UVRAG: variants seen among roughly 807,000 people sequenced by gnomAD.
UVRAG encodes the protein UV radiation resistance-associated gene protein.
A neutral mutation model predicts 78.0 loss-of-function variants in UVRAG; 19 were observed. The ratio of observed to expected loss-of-function variants is 0.24; its 90% CI spans 0.17 to 0.36. The LOEUF (loss-of-function observed/expected upper bound fraction) is 0.36, where lower values mean the gene tolerates loss of function less well. Among genes scored for constraint, UVRAG ranks in the 10% least tolerant of loss-of-function variants. UVRAG has a pLI of 1.00. For synonymous variants in UVRAG, 323 were observed against 324.6 expected (o/e 1.00, Z 0.05); for missense variants, 740 against 853.8 (o/e 0.87, Z 1.66).
At chr11:76,124,567 C>T (rs1343006488) in intron 14 of UVRAG, among the ~76,000 whole-genome samples, 4 of 152,168 alleles carry the variant, frequency 2.6e-5, no homozygotes, top group African/African-American at 9.7e-5. Flanking sequence ...TCTCAGTGAC[C>T]TTAGTAAGGA....
chr11:76,040,110 CT>C (rs933885260), intron 12 of UVRAG, among the ~76,000 whole-genome samples: 7 of 151,970 alleles, frequency 4.6e-5, no homozygotes, highest in African/African-American at 1.4e-4. Flanking sequence ...TATTGTAAAT[CT>C]TTTTTTCCCT....
In UVRAG at chr11:76,141,355, A is replaced by G. The variant is rs376856411; in HGVS notation, c.2042A>G (p.Tyr681Cys). 9.3e-6 allele frequency: 15 copies of G among 1,614,054 alleles called. No individual in the cohort carries two copies. The highest frequency in any genetic ancestry group is 2.2e-5 in the East Asian group (1 of 44,896). The change falls in exon 15 of 15, where the codon TAT (tyrosine) becomes TGT (cysteine). Residue 681 changes from tyrosine (Y) to cysteine (C), a missense_variant. Tyr to Cys is a radical substitution (Grantham distance 194). Coordinates refer to ENST00000356136, the MANE Select transcript of UVRAG (RefSeq NM_003369.4). The stretch of plus-strand genomic sequence containing the variant: ...TTTGAAGAGTTCTCCCGAAGGATCT[A>G]TGCACTGAATGAAAACGTATCCAGC... ...GEFEEFSRRI[Y>C]ALNENVSSFR... is the part of the protein sequence containing the mutation.
intron 6 of UVRAG, among the ~76,000 whole-genome samples, chr11:75,938,654 G>A (rs1948426054): frequency 6.6e-6 from 1 of 152,160 alleles, no homozygotes; most frequent in Non-Finnish European, 1.5e-5. Flanking sequence ...TACTCTGGCT[G>A]TCAGGAATAG....
At chr11:75,846,542 G>A (rs550339238) in intron 1 of UVRAG, among the ~76,000 whole-genome samples, 1 of 151,202 alleles carries the variant, frequency 6.6e-6, no homozygotes, top group African/African-American at 2.4e-5. Flanking sequence ...TGAGGTCTCC[G>A]ATTCATTTTA....
Position 76,141,706 on chromosome 11 carries a change from T to C in UVRAG, c.*293T>C. 1 of 394,250 alleles carries C rather than the reference T, an allele frequency of 2.5e-6. No homozygotes were observed. Among genetic ancestry groups the C allele is most frequent in the Middle Eastern group, 7.1e-4 (1 of 1,412 alleles). The allele number at this position is 394,250 out of a possible 1,614,324, so 24.4% of individuals were successfully genotyped here. Reference sequence around the variant, plus strand: ...CACCTTTTAGCTATTTGTCTGCTTTTTATTTACCCTTGTATGTTATCCTCA... The same window carrying C: ...CACCTTTTAGCTATTTGTCTGCTTTCTATTTACCCTTGTATGTTATCCTCA... On this transcript the variant is annotated 3_prime_UTR_variant, in exon 15 of 15. Coordinates refer to ENST00000356136, the MANE Select transcript of UVRAG (RefSeq NM_003369.4).
At chr11:75,979,960 T>G (rs1423097303) in intron 7 of UVRAG, 1 of 153,586 alleles carries the variant, frequency 6.5e-6, no homozygotes. Context: ...ATCCATCTTC[T>G]GCGTCGCTCA....
intron 8 of UVRAG, among the ~76,000 whole-genome samples, chr11:75,986,952 T>C (rs1338798513): frequency 6.6e-6 from 1 of 152,238 alleles, no homozygotes; most frequent in Non-Finnish European, 1.5e-5. Context: ...TTTTTACTCC[T>C]GAATAATACA....
At chr11:76,137,794 G>C (rs1370323747) in intron 14 of UVRAG, 2 of 277,354 alleles carry the variant, frequency 7.2e-6, no homozygotes, top group South Asian at 4.0e-5. Context: ...TGTAGTCCCA[G>C]CTACTTGGGA....
intron 6 of UVRAG, among the ~76,000 whole-genome samples, chr11:75,949,782 TACAC>T (rs35811055): frequency 6.7e-6 from 1 of 150,224 alleles, no homozygotes; most frequent in Admixed American, 6.7e-5. Context: ...CACATATATA[TACAC>T]ACACACACAT....
chr11:75,958,889 T>C (rs1292530708), intron 6 of UVRAG, among the ~76,000 whole-genome samples: 1 of 152,234 alleles, frequency 6.6e-6, no homozygotes, highest in Non-Finnish European at 1.5e-5. Context: ...TTAGCAGACA[T>C]GAAAACATTA....
chr11:75,884,240 T>TCTCTCTCTTTCTCTCTCTCTCTCTC (rs1555080662), intron 4 of UVRAG, among the ~76,000 whole-genome samples: 2 of 132,470 alleles, frequency 1.5e-5, no homozygotes, highest in African/African-American at 6.4e-5. Flanking sequence ...CTCTCTCTCT[T>TCTCTCTCTTTCTCTCTCTCTCTCTC]TCTCTCTCTC....
At chr11:75,927,505 A>G (rs890815168) in intron 6 of UVRAG, among the ~76,000 whole-genome samples, 7 of 152,230 alleles carry the variant, frequency 4.6e-5, no homozygotes, top group African/African-American at 1.7e-4. Flanking sequence ...AAAAAGTCCT[A>G]TCTTCATGGA....
At chr11:76,134,453 C>T (rs1952567215) in intron 14 of UVRAG, among the ~76,000 whole-genome samples, 1 of 152,082 alleles carries the variant, frequency 6.6e-6, no homozygotes, top group Non-Finnish European at 1.5e-5. Flanking sequence ...TTCCTTCTTG[C>T]AGCTAGCTCC....
chr11:75,943,084 C>G (rs116483307), intron 6 of UVRAG, among the ~76,000 whole-genome samples: 3,437 of 151,894 alleles, frequency 0.023, 117 homozygotes, highest in African/African-American at 0.078. Context: ...AAAAAAAGTC[C>G]CACCTCCCAA....
intron 12 of UVRAG, among the ~76,000 whole-genome samples, chr11:76,061,773 A>G (rs1951100249): frequency 6.6e-6 from 1 of 152,206 alleles, no homozygotes; most frequent in South Asian, 2.1e-4. Context: ...GAGGGTCCGC[A>G]GCTTCATTCT....
chr11:75,862,039 C>T (rs1276199152), intron 3 of UVRAG, among the ~76,000 whole-genome samples: 1 of 152,018 alleles, frequency 6.6e-6, no homozygotes. Context: ...ACGTATGTAA[C>T]AAACTGGCAC....
chr11:75,925,826 T>C (rs527365430), intron 6 of UVRAG, among the ~76,000 whole-genome samples: 1 of 152,328 alleles, frequency 6.6e-6, no homozygotes, highest in South Asian at 2.1e-4. Context: ...CACACTACTA[T>C]TGCAATTCCA....
intron 8 of UVRAG, among the ~76,000 whole-genome samples, chr11:76,000,880 A>C (rs763878019): frequency 6.6e-6 from 1 of 152,208 alleles, no homozygotes; most frequent in Non-Finnish European, 1.5e-5. Flanking sequence ...GCAAAAATAG[A>C]TAGAACTGAA....
chr11:75,895,199 CTTT>C (rs1460984143), intron 5 of UVRAG, among the ~76,000 whole-genome samples: 10 of 152,192 alleles, frequency 6.6e-5, no homozygotes, highest in Non-Finnish European at 5.9e-5. Context: ...TGGCATTCTT[CTTT>C]TTTACATTAG....
Sources: allele counts gnomAD v4.1 joint callset (sites outside exome capture counted in the v4.1 genomes callset), GRCh38; gene constraint gnomAD v4.1.1; transcripts MANE v1.5; gene names NCBI Gene and HGNC (gene_info 2026-07-23, HGNC 2026-07-21).